Variants in KCNT2 observed in about 807,000 individuals in gnomAD.
KCNT2 encodes potassium channel subfamily T member 2.
A neutral mutation model predicts 153.8 loss-of-function variants in KCNT2; 67 were observed. That is an observed-to-expected ratio of 0.44 (90% CI 0.36 to 0.53). KCNT2 has a LOEUF of 0.53. KCNT2 is among the 20% of genes least tolerant of loss of function. The probability of loss-of-function intolerance (pLI) is 0.00; values close to 1 mark genes in which losing one functional copy is unlikely to be tolerated. For missense variants in KCNT2, 975 were observed against 1,354.8 expected, an observed-to-expected ratio of 0.72 and a Z score of 4.40; for synonymous variants, 500 against 458.8, an observed-to-expected ratio of 1.09 and a Z score of -1.15.
chr1:196,360,754 A>C (rs1667549625), intron 14 of KCNT2, among the ~76,000 whole-genome samples: 1 of 152,082 alleles, frequency 6.6e-6, no homozygotes, highest in Admixed American at 6.6e-5. Flanking sequence ...GACTGGGCAG[A>C]AACCAAACAT....
intron 1 of KCNT2, among the ~76,000 whole-genome samples, chr1:196,525,363 A>AT (rs1309373746): frequency 6.6e-6 from 1 of 151,796 alleles, no homozygotes; most frequent in Non-Finnish European, 1.5e-5. Flanking sequence ...TTTTTTTTGT[A>AT]TTTTTATGCT....
intron 27 of KCNT2, among the ~76,000 whole-genome samples, chr1:196,232,031 G>A (rs2102220484): frequency 6.6e-6 from 1 of 151,896 alleles, no homozygotes; most frequent in East Asian, 1.9e-4. Flanking sequence ...CTTAAAGACT[G>A]AAGGGAAAAA....
intron 21 of KCNT2, among the ~76,000 whole-genome samples, chr1:196,308,309 G>C (rs996313096): frequency 3.3e-5 from 5 of 151,952 alleles, no homozygotes; most frequent in African/African-American, 1.2e-4. Context: ...TCCTTCCCCA[G>C]GAAGAGCTGA....
intron 1 of KCNT2, among the ~76,000 whole-genome samples, chr1:196,553,984 T>G (rs1658302322): frequency 6.6e-6 from 1 of 151,148 alleles, no homozygotes; most frequent in African/African-American, 2.4e-5. Flanking sequence ...AAAGCAGTAC[T>G]AAGAGGTAAA....
intron 12 of KCNT2, among the ~76,000 whole-genome samples, chr1:196,410,405 T>A (rs1329735160): frequency 6.6e-6 from 1 of 151,160 alleles, no homozygotes; most frequent in African/African-American, 2.4e-5. Flanking sequence ...CATCACACAC[T>A]GGGGCCTGTT....
At chr1:196,590,355 G>A (rs184838823) in intron 1 of KCNT2, among the ~76,000 whole-genome samples, 3 of 152,302 alleles carry the variant, frequency 2.0e-5, no homozygotes, top group African/African-American at 7.2e-5. Context: ...GTGATCAGCA[G>A]ATGCCAGCTA....
At chr1:196,518,478 TA>T (rs35962682) in intron 1 of KCNT2, among the ~76,000 whole-genome samples, 107,296 of 126,298 alleles carry the variant, frequency 0.85, 46,904 homozygotes, top group Non-Finnish European at 0.95. Context: ...AAGCTGGATT[TA>T]AAAAAAAAAA....
chr1:196,502,201 C>T (rs1333049934), intron 1 of KCNT2, among the ~76,000 whole-genome samples: 1 of 152,182 alleles, frequency 6.6e-6, no homozygotes, highest in Admixed American at 6.5e-5. Flanking sequence ...TCTATGTACA[C>T]AGAGAAACGC....
At chr1:196,440,648 GC>G (rs1675143723) in intron 8 of KCNT2, among the ~76,000 whole-genome samples, 1 of 151,878 alleles carries the variant, frequency 6.6e-6, no homozygotes, top group Non-Finnish European at 1.5e-5. Flanking sequence ...GGATTACACA[GC>G]CCTGGAGTAA....
At chr1:196,593,465 A>C (rs545863805) in intron 1 of KCNT2, among the ~76,000 whole-genome samples, 1 of 151,938 alleles carries the variant, frequency 6.6e-6, no homozygotes, top group African/African-American at 2.4e-5. Flanking sequence ...TGCATGTGCA[A>C]GTATCTTTTT....
In KCNT2 at chr1:196,591,126, C is replaced by T. The variant is rs752623382; in HGVS notation, c.95+17089G>A. ...ATGGGAGGTGTTTGGGTCATGAGGG[C>T]GGATCCTTCATGAATGATGTGATGC... On this transcript the variant is annotated intron_variant, in intron 1 of 27. Coordinates refer to ENST00000294725, the MANE Select transcript of KCNT2 (RefSeq NM_198503.5). Among the ~76,000 whole-genome samples, 5 of 151,988 alleles carry T rather than the reference C, an allele frequency of 3.3e-5. No homozygotes were observed. The East Asian group carries it at 5.8e-4, about 18-fold the overall frequency.
intron 25 of KCNT2, 76 bp downstream of exon 25, chr1:196,280,784 A>G: frequency 7.6e-7 from 1 of 1,312,212 alleles, no homozygotes; most frequent in Non-Finnish European, 1.1e-6. Flanking sequence ...TTTTTTATAA[A>G]TCAGTTTATA....
intron 1 of KCNT2, among the ~76,000 whole-genome samples, chr1:196,498,400 T>C (rs904445472): frequency 1.3e-5 from 2 of 152,198 alleles, no homozygotes; most frequent in African/African-American, 2.4e-5. Context: ...TTCCTCTGTG[T>C]CTACTTCTTA....
rs1665744978 is a variant in KCNT2, at chr1:196,342,426, A to ATATATATATATATATG, written c.1404-199_1404-198insCATATATATATATATA. Among the ~76,000 whole-genome samples the ATATATATATATATATG allele has an allele frequency of 1.7e-5, 2 of 115,468 alleles. 1 individual carries two copies. The highest frequency in any genetic ancestry group is 6.3e-5 in the African/African-American group (2 of 31,590). 75.8% of individuals were successfully genotyped at this position (115,468 alleles called of 152,430 possible). On this transcript the variant is annotated intron_variant, in intron 14 of 27. Transcript: ENST00000294725. ...TTCTAAAAAATTTTGAATACTATATATATATATATATATATATATATGTAT... is the reference window on the plus strand; with the variant it reads ...TTCTAAAAAATTTTGAATACTATATATATATATATATATATGTATATATATATATATATATATGTAT...
chr1:196,535,648 G>T (rs1018882308), intron 1 of KCNT2, among the ~76,000 whole-genome samples: 3 of 152,154 alleles, frequency 2.0e-5, no homozygotes, highest in Non-Finnish European at 4.4e-5. Flanking sequence ...TCTGAGGAGA[G>T]TTGGTGGGGT....
chr1:196,470,421 T>A (rs941299592), intron 5 of KCNT2, among the ~76,000 whole-genome samples: 1 of 152,162 alleles, frequency 6.6e-6, no homozygotes, highest in East Asian at 1.9e-4. Context: ...ATGGAACCTA[T>A]GGTCATTTAA....
At chr1:196,383,917 A>G (rs1669723125) in intron 13 of KCNT2, among the ~76,000 whole-genome samples, 1 of 152,200 alleles carries the variant, frequency 6.6e-6, no homozygotes, top group Admixed American at 6.5e-5. Context: ...CTTGCAGCAA[A>G]TTAGATAAAA....
At chr1:196,533,574 A>G (rs2148854179) in intron 1 of KCNT2, among the ~76,000 whole-genome samples, 1 of 152,214 alleles carries the variant, frequency 6.6e-6, no homozygotes, top group South Asian at 2.1e-4. Context: ...GCTTTCTGTC[A>G]TGTTAGATTT....
chr1:196,592,786 G>C (rs973302321), intron 1 of KCNT2, among the ~76,000 whole-genome samples: 4 of 146,990 alleles, frequency 2.7e-5, no homozygotes, highest in African/African-American at 4.9e-5. Flanking sequence ...ACACAAGAGG[G>C]AGTCTATAGT....
Sources: gnomAD v4.1 joint callset for allele counts (sites outside exome capture counted in the v4.1 genomes callset) on GRCh38, gnomAD v4.1.1 for gene constraint, MANE v1.5 for transcripts, NCBI Gene and HGNC (gene_info 2026-07-23, HGNC 2026-07-21) for gene names.